The following MSN variants were observed in gnomAD, a reference collection of about 807,000 sequenced individuals.
MSN encodes the protein moesin.
MSN carries 2 observed loss-of-function variants against 48.0 expected under a neutral mutation model. The observed-to-expected ratio is 0.04, with a 90% CI of 0.02 to 0.13. The LOEUF is 0.13. Ranked by LOEUF, MSN falls within the 10% of genes least tolerant of loss-of-function variation. MSN has a pLI of 1.00. For synonymous variants in MSN, 146 were observed against 166.9 expected (o/e 0.87, Z 0.97); for missense variants, 267 against 470.1 (o/e 0.57, Z 3.99).
Position 65,694,636 on chromosome X carries a change from C to T in MSN, c.13-22182C>T, listed in dbSNP as rs57429658. On this transcript the variant is annotated intron_variant, in intron 1 of 12. Transcript: ENST00000360270. ...GAGCCACCACGCCCGGCACTCTTTA[C>T]GGTTTTGTTTTAATAGATGAGGAAA... Among the ~76,000 whole-genome samples, 524 of 112,225 alleles carry T rather than the reference C, an allele frequency of 4.7e-3. 3 individuals are homozygous for T. The highest frequency in any genetic ancestry group is 0.016 in the African/African-American group (495 of 30,920).
At chrX:65,592,227 C>T (rs777721740) in intron 1 of MSN, among the ~76,000 whole-genome samples, 1 of 88,158 alleles carries the variant, frequency 1.1e-5, no homozygotes, top group African/African-American at 4.4e-5. Context: ...GATGGAGTCT[C>T]GCTCTGTTTC....
chrX:65,710,535 T>C (rs1275686848), intron 1 of MSN, among the ~76,000 whole-genome samples: 1 of 111,237 alleles, frequency 9.0e-6, no homozygotes, highest in East Asian at 2.8e-4. Flanking sequence ...CTTTGTAATT[T>C]AGCCATTTGT....
intron 1 of MSN, among the ~76,000 whole-genome samples, chrX:65,619,904 G>C (rs946886807): frequency 2.7e-5 from 3 of 110,116 alleles, no homozygotes; most frequent in Non-Finnish European, 5.6e-5. Context: ...TGTCCTTTCT[G>C]TTTGTTAGTT....
upstream of MSN, among the ~76,000 whole-genome samples, chrX:65,664,088 C>T (rs760406274): frequency 3.2e-4 from 35 of 108,629 alleles, no homozygotes; most frequent in African/African-American, 1.2e-3. Context: ...AAGAAATAGT[C>T]GACTGGATAA....
intron 1 of MSN, among the ~76,000 whole-genome samples, chrX:65,630,165 C>T (rs953309653): frequency 2.1e-4 from 22 of 105,171 alleles, no homozygotes; most frequent in African/African-American, 7.3e-4. Context: ...GGTGACAGAG[C>T]GAGCCTTTGA....
In MSN at chrX:65,631,865, A is replaced by G. The variant is rs986423786; in HGVS notation, c.-22+43253A>G. 4.5e-5 allele frequency among the ~76,000 whole-genome samples: 5 copies of G among 111,132 alleles called. No homozygotes were observed. The East Asian group carries it at 8.5e-4, about 19-fold the overall frequency. Reference sequence around the variant, plus strand: ...TTTTTCATTTTTATATTTTGTAGACATGGAATCAAACTAAAGACCCAGGCT... The same window carrying G: ...TTTTTCATTTTTATATTTTGTAGACGTGGAATCAAACTAAAGACCCAGGCT... On this transcript the variant is annotated intron_variant, in intron 1 of 3. Coordinates refer to the MSN transcript ENST00000609672.
chrX:65,628,882 T>C (rs1420086659), intron 1 of MSN, among the ~76,000 whole-genome samples: 1 of 109,006 alleles, frequency 9.2e-6, no homozygotes, highest in Non-Finnish European at 1.9e-5. Context: ...CTGGCCAACA[T>C]GGTGAAACCC....
intron 1 of MSN, among the ~76,000 whole-genome samples, chrX:65,661,517 A>G (rs1164641110): frequency 8.9e-6 from 1 of 111,894 alleles, no homozygotes; most frequent in African/African-American, 3.2e-5. Context: ...GTTTGCTAGT[A>G]TTTTGTTAAG....
chrX:65,738,490 G>A, intron 10 of MSN, 35 bp from the exon 11 acceptor site: 1 of 1,168,956 alleles, frequency 8.6e-7, no homozygotes, highest in Non-Finnish European at 1.2e-6. Context: ...AGGACCAGAA[G>A]GCCCAGCTCT....
chrX:65,688,232 T>C (rs2071135713), intron 1 of MSN, among the ~76,000 whole-genome samples: 1 of 112,115 alleles, frequency 8.9e-6, no homozygotes, highest in Non-Finnish European at 1.9e-5. Flanking sequence ...TTAGGAATTA[T>C]TATCTTTTTT....
Position 65,593,387 on chromosome X carries a change from C to A in MSN, c.-22+4775C>A, listed in dbSNP as rs768327191. On this transcript the variant is annotated intron_variant, in intron 1 of 3. Transcript: ENST00000609672. ...TGTTGCTGAAGCTGTGAGAATAATT[C>A]TGTTTAAAAAACTTTTAAATAAAAT... 4.5e-5 allele frequency: 5 copies of A among 111,882 alleles called. No homozygotes were observed. The East Asian group carries it at 1.4e-3, about 31-fold the overall frequency. The allele number at this position is 111,882 out of a possible 1,213,427, so 9.2% of individuals were successfully genotyped here.
chrX:65,689,445 CGGATGT>C (rs2071150578), intron 1 of MSN, among the ~76,000 whole-genome samples: 1 of 111,307 alleles, frequency 9.0e-6, no homozygotes, highest in Non-Finnish European at 1.9e-5. Flanking sequence ...CATTAGAGGC[CGGATGT>C]GGATGAGGAG....
At chrX:65,712,975 G>A (rs1405496200) in intron 1 of MSN, among the ~76,000 whole-genome samples, 3 of 111,077 alleles carry the variant, frequency 2.7e-5, no homozygotes, top group African/African-American at 9.8e-5. Flanking sequence ...TGTGACTTTA[G>A]ACAAATACCT....
chrX:65,733,387 C>A, intron 7 of MSN, 107 bp downstream of exon 7: 1 of 600,604 alleles, frequency 1.7e-6, no homozygotes, highest in Non-Finnish European at 2.7e-6. Flanking sequence ...TTTGTGTGTA[C>A]GTGTGTGCGC....
chrX:65,698,110 G>T (rs778922871), intron 1 of MSN, among the ~76,000 whole-genome samples: 2 of 110,602 alleles, frequency 1.8e-5, no homozygotes, highest in African/African-American at 6.6e-5. Context: ...GGGTATGGGG[G>T]TGGGCACCGG....
intron 1 of MSN, among the ~76,000 whole-genome samples, chrX:65,657,921 G>A (rs2070793570): frequency 8.9e-6 from 1 of 111,840 alleles, no homozygotes; most frequent in South Asian, 3.7e-4. Flanking sequence ...GTGACTTTTG[G>A]ACAAGTCACA....
chrX:65,681,719 G>A (rs1330690703), intron 1 of MSN, among the ~76,000 whole-genome samples: 1 of 111,908 alleles, frequency 8.9e-6, no homozygotes, highest in East Asian at 2.8e-4. Context: ...TTCATTCAGT[G>A]CACTAATGCA....
chrX:65,739,726 C>T lies in MSN; in HGVS notation c.1570-3C>T, dbSNP rs56050139. The T allele has an allele frequency of 1.2e-5, 15 of 1,204,997 alleles. No individual in the cohort carries two copies. Among genetic ancestry groups the T allele is most frequent in the Middle Eastern group, 2.3e-4 (1 of 4,312 alleles). On this transcript the variant is annotated splice_region_variant and splice_polypyrimidine_tract_variant and intron_variant, in intron 12 of 12. Transcript: ENST00000360270. ...ACCTCTGTGTTCCCATACATCCTCA[C>T]AGGCCCTCACTTCGGAGCTGGCCAA...
chrX:65,731,039 T>C lies in MSN; in HGVS notation c.468-68T>C. ...TGCATCAGCCCCTTAGAAAGCTAAA[T>C]GGGCTTCCCTTCTCTCCTGCACAGG... On this transcript the variant is annotated intron_variant, in intron 4 of 12. Transcript: ENST00000360270. The C allele has an allele frequency of 3.2e-6, 3 of 932,981 alleles. No homozygotes were observed. In the South Asian group the frequency reaches 6.8e-5, roughly 21 times the overall value. 76.9% of individuals were successfully genotyped at this position (932,981 alleles called of 1,213,427 possible).
Sources: gnomAD v4.1 joint callset for allele counts (sites outside exome capture counted in the v4.1 genomes callset) on GRCh38, gnomAD v4.1.1 for gene constraint, MANE v1.5 for transcripts, NCBI Gene and HGNC (gene_info 2026-07-23, HGNC 2026-07-21) for gene names.